Variants in STRN3 observed in about 807,000 individuals in gnomAD.
The protein encoded by STRN3 is striatin 3.
Under a neutral mutation model 95.6 loss-of-function variants are expected in STRN3, and 29 were observed. That is an observed-to-expected ratio of 0.30 (90% confidence interval 0.23 to 0.41). The LOEUF (loss-of-function observed/expected upper bound fraction) is 0.41, where lower values mean the gene tolerates loss of function less well. STRN3 is among the 10% of genes least tolerant of loss of function. The probability of loss-of-function intolerance (pLI) is 1.00; values close to 1 mark genes in which losing one functional copy is unlikely to be tolerated. For synonymous variants in STRN3, 331 were observed against 357.6 expected, an observed-to-expected ratio of 0.93 and a Z score of 0.84; for missense variants, 890 against 972.1, an observed-to-expected ratio of 0.92 and a Z score of 1.12.
At chr14:31,025,457 G>C (rs966966595) in intron 1 of STRN3, 1 of 158,688 alleles carries the variant, frequency 6.3e-6, no homozygotes, top group African/African-American at 2.7e-5. Flanking sequence ...TCGGAAAGGG[G>C]GGTGGTCCGG....
intron 1 of STRN3, among the ~76,000 whole-genome samples, chr14:30,990,241 C>A (rs1047474857): frequency 1.3e-5 from 2 of 151,192 alleles, no homozygotes. Context: ...CGGCTCACTG[C>A]AAGCTCTGCC....
chr14:31,006,093 T>C (rs1407186497), intron 1 of STRN3, among the ~76,000 whole-genome samples: 5 of 128,928 alleles, frequency 3.9e-5, no homozygotes, highest in African/African-American at 1.5e-4. Context: ...CACTCAGGCC[T>C]AGGTGACAGA....
Position 30,955,628 on chromosome 14 carries a change from A to T in STRN3, c.452T>A (p.Phe151Tyr). The T allele has an allele frequency of 6.3e-7, 1 of 1,576,596 alleles. No individual in the cohort carries two copies. Among genetic ancestry groups the T allele is most frequent in the Non-Finnish European group, 8.6e-7 (1 of 1,168,742 alleles). Residue 151 changes from phenylalanine (F) to tyrosine (Y), a missense_variant, in exon 3 of 18, where the codon TTT becomes TAT. Around this residue, in one of 3 missense-constraint regions of STRN3, gnomAD observed 526 missense variants for 526.3 expected, o/e 1.00. Transcript: ENST00000357479. ...AGAAGAAGCAAGTTTACCTGACTCA[A>T]AGGTTGGCATTTTCAAGTCACCTTG... ...LNQGDLKMPT[F>Y]ESEETKDTEA...
At position 31,026,366 on chromosome 14, in the gene STRN3, T is replaced by C. The variant is rs927073611; in HGVS notation, c.-181A>G. 1.3e-5 allele frequency: 3 copies of C among 234,112 alleles called. No individual in the cohort carries two copies. The highest frequency in any genetic ancestry group is 1.1e-4 in the Admixed American group (1 of 8,774). 14.5% of individuals were successfully genotyped at this position (234,112 alleles called of 1,614,324 possible). ...GAGCTGCCGGCTGCCGCCATTACAA[T>C]CCCTCCTCCATCTGCCCGTCTCACT... On this transcript the variant is annotated 5_prime_UTR_variant, in exon 1 of 18. Transcript: ENST00000357479.
chr14:31,009,263 TA>T (rs924470598), intron 1 of STRN3, among the ~76,000 whole-genome samples: 3 of 152,116 alleles, frequency 2.0e-5, no homozygotes, highest in Non-Finnish European at 4.4e-5. Flanking sequence ...CACCAATACA[TA>T]TATATAGTTG....
chr14:30,956,287 T>TACATAGGAAACTGAAAAATGGAA lies in STRN3; in HGVS notation c.283-68_283-46dup. The TACATAGGAAACTGAAAAATGGAA allele has an allele frequency of 1.9e-6, 3 of 1,554,822 alleles. No homozygotes were observed. In the South Asian group the frequency reaches 3.4e-5, roughly 17 times the overall value. Reference sequence around the variant, plus strand: ...ATTTATTTACATTTTCCCTTAACCATACATAGGAAACTGAAAAATGGAAAA... The same window carrying TACATAGGAAACTGAAAAATGGAA: ...ATTTATTTACATTTTCCCTTAACCATACATAGGAAACTGAAAAATGGAAACATAGGAAACTGAAAAATGGAAAA... On this transcript the variant is annotated intron_variant, in intron 1 of 17. Transcript: ENST00000357479.
intron 1 of STRN3, among the ~76,000 whole-genome samples, chr14:30,984,266 T>TTA (rs1881561198): frequency 1.2e-5 from 1 of 86,856 alleles, no homozygotes; most frequent in African/African-American, 5.0e-5. Flanking sequence ...TGAGGAATTC[T>TTA]AAAAAAAAAA....
intron 5 of STRN3, among the ~76,000 whole-genome samples, chr14:30,938,897 T>C (rs990497710): frequency 8.5e-5 from 13 of 152,072 alleles, no homozygotes; most frequent in Admixed American, 6.6e-4. Context: ...AAATAAAAAT[T>C]AAAGGATCAT....
At chr14:31,023,311 T>C (rs1883593929) in intron 1 of STRN3, among the ~76,000 whole-genome samples, 1 of 152,194 alleles carries the variant, frequency 6.6e-6, no homozygotes, top group African/African-American at 2.4e-5. Flanking sequence ...AACAATGCTT[T>C]ACCTGAGTCT....
chr14:30,918,667 T>C (rs915111327), intron 9 of STRN3, among the ~76,000 whole-genome samples: 1 of 152,184 alleles, frequency 6.6e-6, no homozygotes, highest in African/African-American at 2.4e-5. Flanking sequence ...TTTTTATAAA[T>C]TACTATTTTC....
chr14:31,018,608 C>G (rs990165068), intron 1 of STRN3: 2 of 505,846 alleles, frequency 4.0e-6, no homozygotes, highest in Admixed American at 4.2e-5. Context: ...GGTTACCCAG[C>G]AGACCACAGA....
At chr14:30,966,151 A>G (rs950729726) in intron 1 of STRN3, among the ~76,000 whole-genome samples, 4 of 152,050 alleles carry the variant, frequency 2.6e-5, no homozygotes, top group African/African-American at 9.7e-5. Context: ...TGTGCATCCA[A>G]TCGGAATTAG....
In STRN3 at chr14:30,916,168, GGGAATT is replaced by G. The variant is rs1273611970; in HGVS notation, c.1241-2517_1241-2512del. Reference sequence around the variant, plus strand: ...CTGTTTGCCCTTATTTCCCTGCAGAGGGAATTAATTTCTATCCTATTCATTTTATTA... The same window carrying G: ...CTGTTTGCCCTTATTTCCCTGCAGAGAATTTCTATCCTATTCATTTTATTA... On this transcript the variant is annotated intron_variant, in intron 9 of 17. Transcript: ENST00000357479. 1.1e-4 allele frequency among the ~76,000 whole-genome samples: 17 copies of G among 151,994 alleles called. 1 individual carries two copies. In the South Asian group the frequency reaches 2.7e-3, roughly 24 times the overall value.
At chr14:30,993,663 C>A (rs1057333809) in intron 1 of STRN3, among the ~76,000 whole-genome samples, 1 of 151,334 alleles carries the variant, frequency 6.6e-6, no homozygotes, top group African/African-American at 2.4e-5. Context: ...ATGACTAACA[C>A]ATTCATTGTA....
intron 6 of STRN3, 85 bp from the exon 7 acceptor site, chr14:30,935,389 C>T (rs780129127): frequency 2.1e-6 from 3 of 1,422,364 alleles, no homozygotes; most frequent in African/African-American, 1.4e-5. Flanking sequence ...TACATTTACA[C>T]ACCCATTTTA....
intron 8 of STRN3, among the ~76,000 whole-genome samples, chr14:30,923,348 G>A (rs1896931338): frequency 6.6e-6 from 1 of 152,012 alleles, no homozygotes; most frequent in Admixed American, 6.6e-5. Flanking sequence ...AATGACTTGG[G>A]GGAGCTCACT....
In STRN3 at chr14:30,929,235, G is replaced by A; in HGVS notation, c.1065C>T (p.Tyr355=). 4 of 1,612,698 alleles carry A rather than the reference G, an allele frequency of 2.5e-6. No individual in the cohort carries two copies. The highest frequency in any genetic ancestry group is 3.4e-6 in the Non-Finnish European group (4 of 1,179,418). Residue 355 remains tyrosine, a synonymous_variant, in exon 8 of 18, where the codon TAC becomes TAT. Transcript: ENST00000357479. ...QGLISKLKEQ[Y]KKERKGKKGV... The stretch of plus-strand genomic sequence containing the variant: ...CTTTCTTCCCCTTTCGTTCCTTCTT[G>A]TACTGTTCCTTCAGTTTACTTATTA...
chr14:30,975,609 A>C (rs1371749102), intron 1 of STRN3, among the ~76,000 whole-genome samples: 1 of 151,942 alleles, frequency 6.6e-6, no homozygotes, highest in African/African-American at 2.4e-5. Context: ...AGAAAAAAGA[A>C]AAGAAAGAGG....
At chr14:30,987,713 T>C (rs1403683430) in intron 1 of STRN3, among the ~76,000 whole-genome samples, 1 of 151,770 alleles carries the variant, frequency 6.6e-6, no homozygotes, top group Non-Finnish European at 1.5e-5. Flanking sequence ...GCCCACAATA[T>C]TTTCTTACAT....
Sources: allele counts gnomAD v4.1 joint callset (sites outside exome capture counted in the v4.1 genomes callset), GRCh38; gene constraint gnomAD v4.1.1; regional missense constraint gnomAD v4.1.1; transcripts MANE v1.5; gene names NCBI Gene and HGNC (gene_info 2026-07-23, HGNC 2026-07-21).